RIMS1: variants seen among roughly 807,000 people sequenced by gnomAD.
RIMS1 encodes the protein regulating synaptic membrane exocytosis 1.
RIMS1 carries 83 observed loss-of-function variants against 214.1 expected under a neutral mutation model. That is an observed-to-expected ratio of 0.39 (90% CI 0.32 to 0.47). RIMS1 has a LOEUF of 0.47. RIMS1 is among the 20% of genes least tolerant of loss of function. The pLI, the probability that RIMS1 is intolerant of heterozygous loss-of-function variation, is 0.99. For synonymous variants in RIMS1, 793 were observed against 786.8 expected, an observed-to-expected ratio of 1.01 and a Z score of -0.13; for missense variants, 2,050 against 2,161.8, an observed-to-expected ratio of 0.95 and a Z score of 1.03.
Position 72,251,357 on chromosome 6 carries a change from A to G in RIMS1, c.2687A>G (p.Lys896Arg). ...RRHIHGESSS[K>R]KLQRSQRISD... Reference sequence around the variant, plus strand: ...CATATTCATGGAGAAAGCTCTAGCAAAAAGCTACAAAGTAGGTTAAGGTCC... The same window carrying G: ...CATATTCATGGAGAAAGCTCTAGCAGAAAGCTACAAAGTAGGTTAAGGTCC... The change falls in exon 15 of 34, where the codon AAA becomes AGA. Residue 896 changes from lysine to arginine, a missense_variant. Physicochemically the swap from Lys to Arg is conservative, Grantham distance 26 (BLOSUM62 2). Around this residue, in one of 6 missense-constraint regions of RIMS1, gnomAD observed 889 missense variants for 885.5 expected, o/e 1.00. Coordinates refer to ENST00000521978, the MANE Select transcript of RIMS1 (RefSeq NM_014989.7). The G allele has an allele frequency of 6.3e-7, 1 of 1,592,676 alleles. No individual in the cohort carries two copies. Among genetic ancestry groups the G allele is most frequent in the East Asian group, 2.3e-5 (1 of 44,180 alleles).
intron 2 of RIMS1, among the ~76,000 whole-genome samples, chr6:71,992,422 C>CT (rs1156813138): frequency 1.3e-5 from 1 of 74,222 alleles, no homozygotes; most frequent in South Asian, 3.7e-4. Flanking sequence ...TTCTTTCTTT[C>CT]TTTCTTTCTT....
intron 1 of RIMS1, among the ~76,000 whole-genome samples, chr6:71,926,063 TC>T (rs1282300888): frequency 6.6e-6 from 1 of 152,150 alleles, no homozygotes; most frequent in African/African-American, 2.4e-5. Flanking sequence ...GTCAATACAC[TC>T]TTTTTATTGT....
chr6:72,014,404 G>T (rs976527968), intron 2 of RIMS1, among the ~76,000 whole-genome samples: 2 of 152,122 alleles, frequency 1.3e-5, no homozygotes, highest in Non-Finnish European at 2.9e-5. Context: ...ATCTTTCAAG[G>T]TTCATCCTTG....
intron 28 of RIMS1, among the ~76,000 whole-genome samples, chr6:72,317,866 ACTT>A (rs2095894056): frequency 6.6e-6 from 1 of 152,130 alleles, no homozygotes; most frequent in East Asian, 1.9e-4. Flanking sequence ...GGATTTGTCA[ACTT>A]CTTTATTATT....
chr6:72,156,361 G>C (rs918029636), intron 4 of RIMS1, among the ~76,000 whole-genome samples: 2 of 140,622 alleles, frequency 1.4e-5, no homozygotes, highest in African/African-American at 4.9e-5. Context: ...AAATAAGCTA[G>C]AAAAATACCA....
At chr6:72,138,527 G>A (rs977382611) in intron 4 of RIMS1, among the ~76,000 whole-genome samples, 2 of 152,022 alleles carry the variant, frequency 1.3e-5, no homozygotes, top group Non-Finnish European at 2.9e-5. Flanking sequence ...GTTTGTATAC[G>A]TTTGTATGAA....
chr6:72,207,714 A>G lies in RIMS1; in HGVS notation c.1678+24565A>G, dbSNP rs141869092. On this transcript the variant is annotated intron_variant, in intron 6 of 33. Coordinates refer to ENST00000521978, the MANE Select transcript of RIMS1 (RefSeq NM_014989.7). ...CCACTTGAAATTACTTCCAGTTTAC[A>G]CTAACATTGCTGCCAAGGCTGAGGA... Among the ~76,000 whole-genome samples, 150 of 152,326 alleles carry G rather than the reference A, an allele frequency of 9.8e-4. 2 individuals are homozygous for G. Among genetic ancestry groups the G allele is most frequent in the African/African-American group, 3.4e-3 (141 of 41,564 alleles).
intron 2 of RIMS1, among the ~76,000 whole-genome samples, chr6:72,060,998 G>C (rs1185746854): frequency 6.6e-6 from 1 of 152,030 alleles, no homozygotes; most frequent in Non-Finnish European, 1.5e-5. Context: ...TGCAGATATT[G>C]ATATTGATAT....
At chr6:71,973,008 C>G (rs193177409) in intron 2 of RIMS1, among the ~76,000 whole-genome samples, 1 of 152,066 alleles carries the variant, frequency 6.6e-6, no homozygotes, top group African/African-American at 2.4e-5. Flanking sequence ...CTCTGCCTCC[C>G]GGGTTCAAGT....
At chr6:72,140,944 G>A (rs954739671) in intron 4 of RIMS1, among the ~76,000 whole-genome samples, 11 of 152,078 alleles carry the variant, frequency 7.2e-5, no homozygotes, top group African/African-American at 2.4e-4. Context: ...CAAGGAGGGA[G>A]GAATTTATTT....
intron 1 of RIMS1, among the ~76,000 whole-genome samples, chr6:71,918,949 T>C (rs1485992083): frequency 6.6e-6 from 1 of 152,134 alleles, no homozygotes; most frequent in Non-Finnish European, 1.5e-5. Context: ...GATAGAAGGA[T>C]ACTAATGCCA....
intron 7 of RIMS1, 45 bp downstream of exon 7, chr6:72,233,885 G>A (rs1457107762): frequency 7.9e-7 from 1 of 1,262,612 alleles, no homozygotes; most frequent in Non-Finnish European, 1.1e-6. Context: ...GAATATGTGT[G>A]CTCGTTAATT....
At chr6:72,202,372 A>G (rs2052146802) in intron 6 of RIMS1, among the ~76,000 whole-genome samples, 1 of 152,176 alleles carries the variant, frequency 6.6e-6, no homozygotes, top group African/African-American at 2.4e-5. Context: ...TCCCTGGTTT[A>G]TGGATGACTG....
chr6:72,299,210 T>A (rs1034309851), intron 26 of RIMS1, among the ~76,000 whole-genome samples: 3 of 151,924 alleles, frequency 2.0e-5, no homozygotes, highest in African/African-American at 7.2e-5. Context: ...AATAAATTTA[T>A]GATTTATATG....
At chr6:72,272,239 C>A (rs186180908) in intron 22 of RIMS1, among the ~76,000 whole-genome samples, 1 of 152,016 alleles carries the variant, frequency 6.6e-6, no homozygotes. Context: ...GATAAAGATT[C>A]TAATTTTGGT....
intron 4 of RIMS1, among the ~76,000 whole-genome samples, chr6:72,159,230 C>G (rs2044918282): frequency 7.1e-6 from 1 of 140,988 alleles, no homozygotes; most frequent in Non-Finnish European, 1.6e-5. Flanking sequence ...CTTTCACCCA[C>G]TTGTTGATGG....
At chr6:71,965,150 A>T (rs17568100) in intron 1 of RIMS1, among the ~76,000 whole-genome samples, 17,797 of 152,236 alleles carry the variant, frequency 0.12, 1,259 homozygotes, top group South Asian at 0.19. Context: ...AGGAAAATTC[A>T]AAAACCGTAA....
At chr6:72,074,210 A>G (rs1831241557) in intron 2 of RIMS1, among the ~76,000 whole-genome samples, 1 of 152,162 alleles carries the variant, frequency 6.6e-6, no homozygotes, top group Non-Finnish European at 1.5e-5. Flanking sequence ...AGATATGCTA[A>G]AGGGATTCAT....
chr6:71,967,482 T>C (rs1358808570), intron 1 of RIMS1, among the ~76,000 whole-genome samples: 2 of 152,330 alleles, frequency 1.3e-5, no homozygotes, highest in East Asian at 1.9e-4. Flanking sequence ...TTGCTGGACA[T>C]TTTAGCTTGT....
Sources: gnomAD v4.1 joint callset for allele counts (sites outside exome capture counted in the v4.1 genomes callset) on GRCh38, gnomAD v4.1.1 for gene constraint, gnomAD v4.1.1 regional missense constraint, MANE v1.5 for transcripts, NCBI Gene and HGNC (gene_info 2026-07-23, HGNC 2026-07-21) for gene names.